ENOPH1: variants seen among roughly 807,000 people sequenced by gnomAD.
ENOPH1 encodes the protein enolase-phosphatase 1, also known as enolase-phosphatase E1.
Under a neutral mutation model 31.1 loss-of-function variants are expected in ENOPH1, and 14 were observed. That is an observed-to-expected ratio of 0.45 (90% CI 0.30 to 0.70). ENOPH1 has a LOEUF of 0.70. Among genes scored for constraint, ENOPH1 ranks in the 30% least tolerant of loss-of-function variants. ENOPH1 has a pLI of 0.09. For synonymous variants in ENOPH1, 127 were observed against 123.2 expected, an observed-to-expected ratio of 1.03 and a Z score of -0.21; for missense variants, 243 against 321.5, an observed-to-expected ratio of 0.76 and a Z score of 1.87.
chr4:82,431,034 T>C (rs554048890), intron 1 of ENOPH1, 121 bp downstream of exon 1: 2 of 839,252 alleles, frequency 2.4e-6, no homozygotes, highest in South Asian at 3.1e-5. Context: ...CTGCCTCTTG[T>C]GTGGAATGGG....
At chr4:82,456,149 C>G (rs1722486642) in intron 4 of ENOPH1, among the ~76,000 whole-genome samples, 1 of 146,980 alleles carries the variant, frequency 6.8e-6, no homozygotes, top group Admixed American at 6.8e-5. Flanking sequence ...CCAAGTGAGG[C>G]AAACTGCAAG....
intron 1 of ENOPH1, among the ~76,000 whole-genome samples, chr4:82,435,637 C>T (rs1190029585): frequency 6.6e-6 from 1 of 152,148 alleles, no homozygotes; most frequent in African/African-American, 2.4e-5. Flanking sequence ...TGATAGTTAT[C>T]TCCCAACTTT....
chr4:82,441,447 C>A (rs945834154), intron 1 of ENOPH1, among the ~76,000 whole-genome samples: 1 of 151,956 alleles, frequency 6.6e-6, no homozygotes, highest in Non-Finnish European at 1.5e-5. Context: ...ACGGTGAAAC[C>A]CCGTTTCTGC....
At chr4:82,439,512 G>T (rs1159147992) in intron 1 of ENOPH1, among the ~76,000 whole-genome samples, 1 of 152,078 alleles carries the variant, frequency 6.6e-6, no homozygotes, top group African/African-American at 2.4e-5. Flanking sequence ...CCTTTGATGG[G>T]GGTAAAGAGT....
chr4:82,441,003 T>C (rs1222167758), intron 1 of ENOPH1, among the ~76,000 whole-genome samples: 1 of 152,214 alleles, frequency 6.6e-6, no homozygotes, highest in East Asian at 1.9e-4. Flanking sequence ...TAGCTCCTAC[T>C]GTGGTCTTCA....
intron 4 of ENOPH1, among the ~76,000 whole-genome samples, chr4:82,455,507 G>A (rs192126589): frequency 1.6e-4 from 25 of 152,206 alleles, no homozygotes; most frequent in African/African-American, 5.5e-4. Context: ...CCGGCCGGGC[G>A]CAGTGGCTCA....
intron 1 of ENOPH1, among the ~76,000 whole-genome samples, chr4:82,443,425 G>T (rs1722093643): frequency 6.7e-6 from 1 of 150,204 alleles, no homozygotes; most frequent in African/African-American, 2.5e-5. Flanking sequence ...AAAAAAGAAA[G>T]AAATAATAGC....
intron 1 of ENOPH1, among the ~76,000 whole-genome samples, chr4:82,434,263 T>G (rs1721847606): frequency 6.6e-6 from 1 of 152,202 alleles, no homozygotes; most frequent in Non-Finnish European, 1.5e-5. Flanking sequence ...AGTTCTTTAA[T>G]CAATGTGAAG....
intron 1 of ENOPH1, among the ~76,000 whole-genome samples, chr4:82,445,701 C>T (rs1722158000): frequency 6.6e-6 from 1 of 152,180 alleles, no homozygotes; most frequent in Admixed American, 6.5e-5. Context: ...CCTTGGCCTC[C>T]CAAAATGCTG....
intron 2 of ENOPH1, 96 bp downstream of exon 2, chr4:82,448,117 C>G: frequency 7.7e-6 from 6 of 781,876 alleles, no homozygotes; most frequent in South Asian, 5.8e-5. Flanking sequence ...AATAAGTGCC[C>G]TGGTTTGATA....
At chr4:82,435,221 T>C (rs1388107456) in intron 1 of ENOPH1, among the ~76,000 whole-genome samples, 4 of 152,176 alleles carry the variant, frequency 2.6e-5, no homozygotes, top group African/African-American at 4.8e-5. Flanking sequence ...CCTACCTCAG[T>C]CTCCTGAGTA....
intron 1 of ENOPH1, among the ~76,000 whole-genome samples, chr4:82,440,321 T>C (rs527612417): frequency 6.6e-6 from 1 of 152,324 alleles, no homozygotes; most frequent in South Asian, 2.1e-4. Context: ...GAAATTTCCA[T>C]AGAGAATATG....
intron 1 of ENOPH1, among the ~76,000 whole-genome samples, chr4:82,436,102 TG>T (rs1721898370): frequency 6.6e-6 from 1 of 152,206 alleles, no homozygotes. Flanking sequence ...ACGTCTACCA[TG>T]GTTACTCCCA....
chr4:82,444,274 T>A (rs1025749752), intron 1 of ENOPH1, among the ~76,000 whole-genome samples: 5 of 151,822 alleles, frequency 3.3e-5, no homozygotes, highest in Non-Finnish European at 5.9e-5. Flanking sequence ...TAGGCTGCAG[T>A]GCAGTGGCAC....
chr4:82,435,702 A>G (rs1347030363), intron 1 of ENOPH1, among the ~76,000 whole-genome samples: 1 of 152,202 alleles, frequency 6.6e-6, no homozygotes, highest in Non-Finnish European at 1.5e-5. Context: ...AGCATTGAGA[A>G]GTGTAGGATG....
chr4:82,440,892 G>T (rs1348470565), intron 1 of ENOPH1, among the ~76,000 whole-genome samples: 1 of 152,164 alleles, frequency 6.6e-6, no homozygotes, highest in Admixed American at 6.5e-5. Flanking sequence ...CCCCTTGTAT[G>T]GGTCCAGCCC....
intron 2 of ENOPH1, among the ~76,000 whole-genome samples, chr4:82,449,066 A>T (rs1467666233): frequency 1.4e-5 from 2 of 147,284 alleles, no homozygotes; most frequent in African/African-American, 5.2e-5. Flanking sequence ...TCAAAAAAAA[A>T]AAAAAAAAAA....
intron 3 of ENOPH1, among the ~76,000 whole-genome samples, chr4:82,453,122 C>T (rs1281044136): frequency 2.0e-5 from 3 of 151,422 alleles, no homozygotes; most frequent in Admixed American, 6.6e-5. Flanking sequence ...AGGATGCTCT[C>T]GATCTCCTGA....
At chr4:82,431,849 T>G (rs1721772952) in intron 1 of ENOPH1, among the ~76,000 whole-genome samples, 1 of 152,026 alleles carries the variant, frequency 6.6e-6, no homozygotes, top group Admixed American at 6.6e-5. Context: ...TCCAAGAAAC[T>G]GAGCAGCTTG....
Sources: gnomAD v4.1 joint callset for allele counts (sites outside exome capture counted in the v4.1 genomes callset) on GRCh38, gnomAD v4.1.1 for gene constraint, MANE v1.5 for transcripts, NCBI Gene and HGNC (gene_info 2026-07-23, HGNC 2026-07-21) for gene names.